Variants in DHX9 observed in about 807,000 individuals in gnomAD.
The protein encoded by DHX9 is ATP-dependent RNA helicase A.
A neutral mutation model predicts 148.7 loss-of-function variants in DHX9; 27 were observed. That is an observed-to-expected ratio of 0.18 (90% CI 0.13 to 0.25). The LOEUF is 0.25. Ranked by LOEUF, DHX9 falls within the 10% of genes least tolerant of loss-of-function variation. The pLI is 1.00. For missense variants in DHX9, 796 were observed against 1,559.6 expected (o/e 0.51, Z 8.25); for synonymous variants, 529 against 516.6 (o/e 1.02, Z -0.33).
At chr1:182,845,506 G>A (rs139305559) in intron 3 of DHX9, among the ~76,000 whole-genome samples, 3 of 152,132 alleles carry the variant, frequency 2.0e-5, no homozygotes, top group East Asian at 3.9e-4. Context: ...TAAATGTGGG[G>A]TGGAGGTGGG....
At position 182,849,300 on chromosome 1, in the gene DHX9, A is replaced by G. The variant is rs191887607; in HGVS notation, c.253-2933A>G. ...CCGTCATCTGGCTGCAACACTTTCA[A>G]TTTTACTCATTTCTAACTACTCCCC... On this transcript the variant is annotated intron_variant, in intron 3 of 27. Transcript: ENST00000367549. Among the ~76,000 whole-genome samples, 82 of 152,258 alleles carry G rather than the reference A, an allele frequency of 5.4e-4. No individual in the cohort carries two copies. The East Asian group carries it at 8.3e-3, about 15-fold the overall frequency.
intron 15 of DHX9, among the ~76,000 whole-genome samples, chr1:182,873,437 T>G (rs1224804686): frequency 1.3e-5 from 2 of 152,212 alleles, no homozygotes; most frequent in Non-Finnish European, 2.9e-5. Context: ...TATAATTCAC[T>G]GGGGTACAGG....
At chr1:182,875,056 T>C (rs1648698212) in intron 16 of DHX9, 102 bp downstream of exon 16, 4 of 961,056 alleles carry the variant, frequency 4.2e-6, no homozygotes, top group Non-Finnish European at 6.5e-6. Flanking sequence ...ACAGCAAACT[T>C]TCTTAAAAAC....
At chr1:182,859,365 GT>G (rs1668313677) in intron 11 of DHX9, among the ~76,000 whole-genome samples, 2 of 151,998 alleles carry the variant, frequency 1.3e-5, no homozygotes, top group African/African-American at 4.8e-5. Flanking sequence ...TTTGTTGTTG[GT>G]TTTTTTGTTT....
Position 182,887,352 on chromosome 1 carries a change from C to G in DHX9, c.3731C>G (p.Ser1244Cys). 1 of 1,614,060 alleles carries G rather than the reference C, an allele frequency of 6.2e-7. No homozygotes were observed. The highest frequency in any genetic ancestry group is 8.5e-7 in the Non-Finnish European group (1 of 1,180,012). ...YRGPSGGYRG[S>C]GGFQRGGGRG... ...GGGCCTAGTGGAGGCTACAGAGGAT[C>G]TGGGGGATTCCAGCGAGGAGGTGGT... Residue 1244 changes from serine (S) to cysteine (C), a missense_variant, in exon 28 of 28, where the codon TCT becomes TGT. Around this residue, in one of 14 missense-constraint regions of DHX9, gnomAD observed 98 missense variants for 105.5 expected, o/e 0.93. Transcript: ENST00000367549.
chr1:182,846,306 C>T (rs1448059306), intron 3 of DHX9, among the ~76,000 whole-genome samples: 1 of 150,572 alleles, frequency 6.6e-6, no homozygotes, highest in Non-Finnish European at 1.5e-5. Context: ...GGCATGATCT[C>T]GGCTCACCGC....
chr1:182,864,890 G>A (rs1648220803), intron 12 of DHX9, among the ~76,000 whole-genome samples: 1 of 152,120 alleles, frequency 6.6e-6, no homozygotes, highest in Non-Finnish European at 1.5e-5. Flanking sequence ...TTGAGAAACT[G>A]ACCATCTCCT....
At chr1:182,866,130 T>C (rs979833480) in intron 12 of DHX9, among the ~76,000 whole-genome samples, 1 of 152,222 alleles carries the variant, frequency 6.6e-6, no homozygotes. Context: ...TAAAACTGTT[T>C]TTAGTGTGGC....
chr1:182,866,916 TA>T, intron 13 of DHX9, 44 bp from the exon 14 acceptor site: 1 of 1,437,060 alleles, frequency 7.0e-7, no homozygotes. Flanking sequence ...ATAGATTTAC[TA>T]CTTTGAACTT....
intron 12 of DHX9, among the ~76,000 whole-genome samples, chr1:182,861,663 C>G (rs1239383589): frequency 1.3e-5 from 2 of 152,158 alleles, no homozygotes; most frequent in Non-Finnish European, 2.9e-5. Flanking sequence ...AAATTCCTGC[C>G]CAAGTGAGAA....
intron 4 of DHX9, among the ~76,000 whole-genome samples, chr1:182,852,751 T>C (rs984145228): frequency 6.6e-6 from 1 of 151,914 alleles, no homozygotes; most frequent in Non-Finnish European, 1.5e-5. Flanking sequence ...TTCAATGTTA[T>C]TATCTTACAA....
intron 3 of DHX9, among the ~76,000 whole-genome samples, chr1:182,850,302 C>CA (rs1018105065): frequency 3.3e-5 from 5 of 151,458 alleles, no homozygotes; most frequent in African/African-American, 1.2e-4. Flanking sequence ...GACCCTGTCT[C>CA]AAAAAAAAGA....
At chr1:182,885,735 T>C (rs1649289716) in intron 27 of DHX9, among the ~76,000 whole-genome samples, 1 of 152,234 alleles carries the variant, frequency 6.6e-6, no homozygotes, top group South Asian at 2.1e-4. Flanking sequence ...TAATAACTGA[T>C]AGAACCAGGT....
chr1:182,855,455 C>T (rs1668237514), intron 6 of DHX9: 3 of 659,228 alleles, frequency 4.6e-6, no homozygotes, highest in Non-Finnish European at 5.6e-6. Context: ...TATTTAAAGG[C>T]ATAACAGACA....
rs1648332191 is a variant in DHX9 at position 182,867,143 on chromosome 1, AT to A, written c.1557+101del. On this transcript the variant is annotated intron_variant, in intron 14 of 27. Transcript: ENST00000367549. ...TTCCCTTTCCCCCGTTTTTATCATTATCAAAACCATGAACTTCAGTCACTAA... is the reference window on the plus strand; with the variant it reads ...TTCCCTTTCCCCCGTTTTTATCATTACAAAACCATGAACTTCAGTCACTAA... 3 of 691,092 alleles carry A rather than the reference AT, an allele frequency of 4.3e-6. No individual in the cohort carries two copies. The South Asian group carries it at 8.6e-5, about 20-fold the overall frequency. 42.8% of individuals were successfully genotyped at this position (691,092 alleles called of 1,614,324 possible).
intron 4 of DHX9, 72 bp from the exon 5 acceptor site, chr1:182,853,234 G>A (rs924254673): frequency 3.6e-6 from 4 of 1,098,856 alleles, no homozygotes; most frequent in African/African-American, 1.6e-5. Flanking sequence ...CATAAATTAG[G>A]ATAATTCTTT....
intron 3 of DHX9, among the ~76,000 whole-genome samples, chr1:182,847,590 G>C (rs1055488863): frequency 6.6e-6 from 1 of 152,078 alleles, no homozygotes; most frequent in African/African-American, 2.4e-5. Context: ...TACAGAATTC[G>C]GGGCTCCTCC....
intron 18 of DHX9, 97 bp from the exon 19 acceptor site, chr1:182,876,733 G>GT (rs1351725349): frequency 9.9e-7 from 1 of 1,007,926 alleles, no homozygotes; most frequent in African/African-American, 1.6e-5. Flanking sequence ...TAGGACTTCT[G>GT]TAATTTTCTT....
intron 3 of DHX9, among the ~76,000 whole-genome samples, chr1:182,851,554 T>C (rs1668150740): frequency 6.6e-6 from 1 of 152,150 alleles, no homozygotes; most frequent in African/African-American, 2.4e-5. Context: ...AAGTCAAATT[T>C]TTAAATGTTC....
Sources: allele counts gnomAD v4.1 joint callset (sites outside exome capture counted in the v4.1 genomes callset), GRCh38; gene constraint gnomAD v4.1.1; regional missense constraint gnomAD v4.1.1; transcripts MANE v1.5; gene names NCBI Gene and HGNC (gene_info 2026-07-23, HGNC 2026-07-21).